The following MPZL1 variants were observed in gnomAD, a reference collection of about 807,000 sequenced individuals.
MPZL1 encodes myelin protein zero-like protein 1.
Under a neutral mutation model 29.3 loss-of-function variants are expected in MPZL1, and 16 were observed. That is an observed-to-expected ratio of 0.55 (90% confidence interval 0.37 to 0.83). The LOEUF (loss-of-function observed/expected upper bound fraction) is 0.83, where lower values mean the gene tolerates loss of function less well. MPZL1 is among the 40% of genes least tolerant of loss of function. The probability of loss-of-function intolerance (pLI) is 0.00; values close to 1 mark genes in which losing one functional copy is unlikely to be tolerated. For missense variants in MPZL1, 279 were observed against 332.9 expected (o/e 0.84, Z 1.26); for synonymous variants, 143 against 132.0 (o/e 1.08, Z -0.57).
At chr1:167,732,307 G>A (rs752548835) in intron 1 of MPZL1, among the ~76,000 whole-genome samples, 9 of 152,086 alleles carry the variant, frequency 5.9e-5, no homozygotes, top group Non-Finnish European at 1.2e-4. Flanking sequence ...CTGCATCTTT[G>A]GGAAGATTGC....
intron 1 of MPZL1, among the ~76,000 whole-genome samples, chr1:167,752,895 A>G (rs2101769355): frequency 6.6e-6 from 1 of 152,314 alleles, no homozygotes; most frequent in African/African-American, 2.4e-5. Flanking sequence ...ACTCCTTTTG[A>G]AGTGTTCTTT....
chr1:167,758,109 G>C (rs1264955269), intron 1 of MPZL1, among the ~76,000 whole-genome samples: 2 of 150,474 alleles, frequency 1.3e-5, no homozygotes, highest in Non-Finnish European at 2.9e-5. Context: ...AGTTGAGATC[G>C]CTCCACTGCA....
chr1:167,744,001 G>C (rs1259978584), intron 1 of MPZL1, among the ~76,000 whole-genome samples: 1 of 151,944 alleles, frequency 6.6e-6, no homozygotes. Flanking sequence ...CAGAGGGACT[G>C]CTTTCAACTT....
chr1:167,769,676 C>T (rs1159636730), intron 2 of MPZL1, among the ~76,000 whole-genome samples: 11 of 152,156 alleles, frequency 7.2e-5, no homozygotes, highest in East Asian at 3.8e-4. Flanking sequence ...AGACCCTTCA[C>T]GGTTCTTAAC....
intron 1 of MPZL1, among the ~76,000 whole-genome samples, chr1:167,731,957 G>A (rs1660282019): frequency 6.6e-6 from 1 of 152,168 alleles, no homozygotes. Flanking sequence ...TCCTAAGTTT[G>A]ATACAAATTC....
At chr1:167,762,474 T>G (rs1266624960) in intron 1 of MPZL1, among the ~76,000 whole-genome samples, 1 of 152,204 alleles carries the variant, frequency 6.6e-6, no homozygotes, top group African/African-American at 2.4e-5. Flanking sequence ...GAAAGTGATG[T>G]ACAGAAAACG....
At chr1:167,772,568 A>G (rs1205112795) in intron 3 of MPZL1, 80 bp downstream of exon 3, 1 of 1,351,964 alleles carries the variant, frequency 7.4e-7, no homozygotes, top group Non-Finnish European at 1.0e-6. Context: ...GTTGCATTTC[A>G]TGGTGGGTTT....
intron 2 of MPZL1, among the ~76,000 whole-genome samples, chr1:167,769,330 G>A (rs1256485130): frequency 1.3e-5 from 2 of 152,156 alleles, no homozygotes; most frequent in African/African-American, 2.4e-5. Context: ...GGACAAATTT[G>A]TGTATTCTTG....
intron 1 of MPZL1, among the ~76,000 whole-genome samples, chr1:167,741,720 G>A (rs1431740307): frequency 2.0e-5 from 3 of 152,016 alleles, no homozygotes; most frequent in Non-Finnish European, 4.4e-5. Flanking sequence ...ATCAGGTGCT[G>A]TCATTTTGTT....
In MPZL1 at chr1:167,787,921, A is replaced by G. The variant is rs1306268462; in HGVS notation, c.810A>G (p.Ter270=). The G allele has an allele frequency of 6.2e-7, 1 of 1,603,324 alleles. No homozygotes were observed. The highest frequency in any genetic ancestry group is 2.2e-5 in the East Asian group (1 of 44,816). The stretch of plus-strand genomic sequence containing the variant: ...TGTATGCGGATATCCGAAAGAATTA[A>G]GAGAATACCTAGAACATATCCTCAG... ...SVVYADIRKN[*] is the part of the protein sequence containing the mutation. The change falls in exon 6 of 6, where the codon TAA becomes TAG. Residue 270 remains the stop codon, a stop_retained_variant. Transcript: ENST00000359523.
At chr1:167,723,482 A>AG (rs1660082346) in intron 1 of MPZL1, among the ~76,000 whole-genome samples, 1 of 152,240 alleles carries the variant, frequency 6.6e-6, no homozygotes, top group African/African-American at 2.4e-5. Flanking sequence ...ATTTTGTCTT[A>AG]GAAAAAAAGG....
At chr1:167,753,657 G>T (rs1035765915) in intron 1 of MPZL1, among the ~76,000 whole-genome samples, 2 of 150,646 alleles carry the variant, frequency 1.3e-5, no homozygotes, top group Non-Finnish European at 2.9e-5. Flanking sequence ...ACGGAGTCTC[G>T]CTCTGTCACC....
Position 167,789,186 on chromosome 1 carries a change from A to T in MPZL1, c.*1265A>T, listed in dbSNP as rs1381839846. ...TGTTTTCTCCTATTCACTACTCCCC[A>T]CCGCACTTAAAATCTATGAGTTTTT... is the stretch of plus-strand genomic sequence containing the variant. On this transcript the variant is annotated 3_prime_UTR_variant, in exon 6 of 6. Transcript: ENST00000359523. 1 of 151,914 alleles carries T rather than the reference A, an allele frequency of 6.6e-6. No homozygotes were observed. The highest frequency in any genetic ancestry group is 1.5e-5 in the Non-Finnish European group (1 of 67,976). The allele number at this position is 151,914 out of a possible 1,614,324, so 9.4% of individuals were successfully genotyped here.
chr1:167,783,259 G>A (rs1282820655), intron 5 of MPZL1, among the ~76,000 whole-genome samples: 1 of 152,158 alleles, frequency 6.6e-6, no homozygotes, highest in Non-Finnish European at 1.5e-5. Context: ...AAGTGGAGTG[G>A]GAGGCTGGGT....
At chr1:167,756,903 G>A (rs1159442525) in intron 1 of MPZL1, among the ~76,000 whole-genome samples, 1 of 152,122 alleles carries the variant, frequency 6.6e-6, no homozygotes, top group Non-Finnish European at 1.5e-5. Flanking sequence ...GGAAAGGACA[G>A]GATGTCGGGG....
rs74120655 is a variant in MPZL1, at chr1:167,754,946, A to G, written c.92-10637A>G. Among the ~76,000 whole-genome samples, 554 of 152,312 alleles carry G rather than the reference A, an allele frequency of 3.6e-3. 7 individuals carry two copies. The highest frequency in any genetic ancestry group is 0.012 in the African/African-American group (514 of 41,570). ...TACAGATTTCCCATCTGTCTCCTCC[A>G]TGGCCTCTCCTATTATTGGTATCCC... On this transcript the variant is annotated intron_variant, in intron 1 of 5. Transcript: ENST00000359523.
intron 2 of MPZL1, among the ~76,000 whole-genome samples, chr1:167,771,944 CA>C (rs973151195): frequency 1.3e-5 from 2 of 152,150 alleles, no homozygotes; most frequent in African/African-American, 4.8e-5. Flanking sequence ...GTCAACACGG[CA>C]AAACCCCTCT....
intron 5 of MPZL1, among the ~76,000 whole-genome samples, chr1:167,785,949 T>C (rs542364489): frequency 2.0e-5 from 3 of 152,208 alleles, no homozygotes; most frequent in Non-Finnish European, 4.4e-5. Flanking sequence ...CCCACCACCA[T>C]GCCCGGCGAA....
Position 167,734,938 on chromosome 1 carries a change from T to C in MPZL1, c.91+12696T>C, listed in dbSNP as rs568504403. 6.6e-5 allele frequency among the ~76,000 whole-genome samples: 10 copies of C among 152,328 alleles called. No homozygotes were observed. The South Asian group carries it at 2.1e-3, about 32-fold the overall frequency. On this transcript the variant is annotated intron_variant, in intron 1 of 5. Transcript: ENST00000359523. ...TCCCTTTCCTTCCCAATCAATGCCCTCACTTTAGTAGCAGACACCCTGCAG... is the reference window on the plus strand; with the variant it reads ...TCCCTTTCCTTCCCAATCAATGCCCCCACTTTAGTAGCAGACACCCTGCAG...
Sources: gnomAD v4.1 joint callset for allele counts (sites outside exome capture counted in the v4.1 genomes callset) on GRCh38, gnomAD v4.1.1 for gene constraint, MANE v1.5 for transcripts, NCBI Gene and HGNC (gene_info 2026-07-23, HGNC 2026-07-21) for gene names.